XPR1: variants seen among roughly 807,000 people sequenced by gnomAD.
The protein encoded by XPR1 is solute carrier family 53 member 1.
Under a neutral mutation model 87.5 loss-of-function variants are expected in XPR1, and 28 were observed. That is an observed-to-expected ratio of 0.32 (90% CI 0.24 to 0.44). The LOEUF is 0.44. Among genes scored for constraint, XPR1 ranks in the 20% least tolerant of loss-of-function variants. The pLI is 1.00. For missense variants in XPR1, 559 were observed against 862.3 expected, an observed-to-expected ratio of 0.65 and a Z score of 4.41; for synonymous variants, 300 against 306.1, an observed-to-expected ratio of 0.98 and a Z score of 0.21.
At chr1:180,832,478 G>A (rs1329652105) in intron 9 of XPR1, among the ~76,000 whole-genome samples, 2 of 152,168 alleles carry the variant, frequency 1.3e-5, no homozygotes, top group African/African-American at 2.4e-5. Flanking sequence ...CCTATGTCTT[G>A]AATGGTATTG....
At chr1:180,806,616 T>C in intron 6 of XPR1, 59 bp downstream of exon 6, 2 of 1,469,082 alleles carry the variant, frequency 1.4e-6, no homozygotes, top group East Asian at 2.3e-5. Flanking sequence ...CAACACAGTA[T>C]TTAGCTGGCC....
At chr1:180,843,955 G>C (rs750853884) in intron 11 of XPR1, among the ~76,000 whole-genome samples, 1 of 152,204 alleles carries the variant, frequency 6.6e-6, no homozygotes, top group Non-Finnish European at 1.5e-5. Flanking sequence ...GCTCACACCT[G>C]TAATCCCAGC....
At chr1:180,724,030 TA>T (rs945760434) in intron 2 of XPR1, among the ~76,000 whole-genome samples, 29 of 152,150 alleles carry the variant, frequency 1.9e-4, no homozygotes, top group African/African-American at 7.0e-4. Context: ...CTTAGTTTAA[TA>T]AAAAACCAGA....
intron 2 of XPR1, among the ~76,000 whole-genome samples, chr1:180,753,464 G>A (rs1647607815): frequency 6.6e-6 from 1 of 151,986 alleles, no homozygotes; most frequent in Non-Finnish European, 1.5e-5. Flanking sequence ...TAAAGTGAGA[G>A]GATGGCTTGA....
At chr1:180,662,104 A>T (rs1655800534) in intron 1 of XPR1, among the ~76,000 whole-genome samples, 1 of 152,198 alleles carries the variant, frequency 6.6e-6, no homozygotes, top group Non-Finnish European at 1.5e-5. Context: ...TTCAGATATG[A>T]GTAGTTTACA....
intron 3 of XPR1, among the ~76,000 whole-genome samples, chr1:180,800,661 T>G (rs564662965): frequency 6.6e-6 from 1 of 152,232 alleles, no homozygotes; most frequent in Non-Finnish European, 1.5e-5. Context: ...TATACAACAA[T>G]GCAAAGCTAA....
At chr1:180,694,268 C>T (rs1013772950) in intron 2 of XPR1, among the ~76,000 whole-genome samples, 9 of 152,138 alleles carry the variant, frequency 5.9e-5, no homozygotes, top group African/African-American at 2.2e-4. Flanking sequence ...CTACTATATC[C>T]ATGCTTTTAC....
At chr1:180,764,216 G>A (rs183413704) in intron 2 of XPR1, among the ~76,000 whole-genome samples, 55 of 152,126 alleles carry the variant, frequency 3.6e-4, no homozygotes, top group African/African-American at 1.2e-3. Context: ...TGTTTAATGC[G>A]CAAAATTATT....
At chr1:180,820,285 C>G (rs61058506) in intron 7 of XPR1, among the ~76,000 whole-genome samples, 2,551 of 152,188 alleles carry the variant, frequency 0.017, 78 homozygotes, top group African/African-American at 0.056. Context: ...ACTCTCCATT[C>G]CCTCTCCTCA....
chr1:180,884,065 G>A lies in XPR1; in HGVS notation c.2090G>A (p.Ter697=). ...IEDTDDEANT[*] ...GACACAGATGATGAAGCTAACACTTGAATTTTCTGAAGTCTAGCTTAACAT... is the reference window on the plus strand; with the variant it reads ...GACACAGATGATGAAGCTAACACTTAAATTTTCTGAAGTCTAGCTTAACAT... Residue 697 remains the stop codon, a stop_retained_variant, in exon 15 of 15, where the codon TGA becomes TAA. Coordinates refer to ENST00000367590, the MANE Select transcript of XPR1 (RefSeq NM_004736.4). The A allele has an allele frequency of 6.2e-7, 1 of 1,613,766 alleles. No homozygotes were observed. Among genetic ancestry groups the A allele is most frequent in the Non-Finnish European group, 8.5e-7 (1 of 1,179,846 alleles).
At chr1:180,739,107 T>C (rs1010202048) in intron 2 of XPR1, among the ~76,000 whole-genome samples, 1 of 147,274 alleles carries the variant, frequency 6.8e-6, no homozygotes, top group East Asian at 1.9e-4. Flanking sequence ...CCAGTTGTTA[T>C]AACATAATTT....
At chr1:180,760,963 A>G (rs1486870308) in intron 2 of XPR1, among the ~76,000 whole-genome samples, 2 of 152,128 alleles carry the variant, frequency 1.3e-5, no homozygotes, top group African/African-American at 2.4e-5. Context: ...ATAATGCCGC[A>G]TATCTACAAC....
intron 2 of XPR1, among the ~76,000 whole-genome samples, chr1:180,706,179 C>G (rs1357665658): frequency 6.6e-6 from 1 of 152,126 alleles, no homozygotes; most frequent in Non-Finnish European, 1.5e-5. Flanking sequence ...CTAGTGTATT[C>G]TAAGATTTGG....
chr1:180,850,630 T>C (rs1651834025), intron 11 of XPR1, among the ~76,000 whole-genome samples: 1 of 152,178 alleles, frequency 6.6e-6, no homozygotes, highest in African/African-American at 2.4e-5. Context: ...CCTGAAGCTT[T>C]CATAAAATGA....
At chr1:180,763,549 G>T (rs1648136869) in intron 2 of XPR1, among the ~76,000 whole-genome samples, 1 of 152,184 alleles carries the variant, frequency 6.6e-6, no homozygotes, top group Admixed American at 6.5e-5. Context: ...GACCAGTGGT[G>T]AAATAAATGT....
intron 2 of XPR1, among the ~76,000 whole-genome samples, chr1:180,735,767 G>C (rs1658708890): frequency 6.6e-6 from 1 of 152,088 alleles, no homozygotes; most frequent in Non-Finnish European, 1.5e-5. Context: ...CTAATTATTT[G>C]ACAATTTGTA....
In XPR1 at chr1:180,704,274, A is replaced by ATG. The variant is rs1553238733; in HGVS notation, c.121+21864_121+21865insGT. Among the ~76,000 whole-genome samples the ATG allele has an allele frequency of 9.9e-5, 14 of 141,682 alleles. 1 individual carries two copies. In the South Asian group the frequency reaches 3.2e-3, roughly 33 times the overall value. 92.9% of individuals were successfully genotyped at this position (141,682 alleles called of 152,430 possible). Reference sequence around the variant, plus strand: ...TATATATATATATATATATATATATATATTATCAGATTATCTGTTTTGTTA... The same window carrying ATG: ...TATATATATATATATATATATATATATGTATTATCAGATTATCTGTTTTGTTA... On this transcript the variant is annotated intron_variant, in intron 2 of 14. Coordinates refer to ENST00000367590, the MANE Select transcript of XPR1 (RefSeq NM_004736.4).
chr1:180,709,490 T>A (rs1167237220), intron 2 of XPR1, among the ~76,000 whole-genome samples: 2 of 140,172 alleles, frequency 1.4e-5, no homozygotes, highest in Non-Finnish European at 2.9e-5. Context: ...AAACACTGAT[T>A]GGCTTTCTTT....
intron 2 of XPR1, among the ~76,000 whole-genome samples, chr1:180,688,625 A>T (rs1656869992): frequency 6.6e-6 from 1 of 152,178 alleles, no homozygotes; most frequent in South Asian, 2.1e-4. Context: ...TCATACCTTA[A>T]TAATCAGGAT....
Sources: allele counts gnomAD v4.1 joint callset (sites outside exome capture counted in the v4.1 genomes callset), GRCh38; gene constraint gnomAD v4.1.1; transcripts MANE v1.5; gene names NCBI Gene and HGNC (gene_info 2026-07-23, HGNC 2026-07-21).